Variants in FRK observed in about 807,000 individuals in gnomAD.
The protein encoded by FRK is fyn related Src family tyrosine kinase.
Under a neutral mutation model 56.4 loss-of-function variants are expected in FRK, and 51 were observed. The observed-to-expected ratio is 0.90, with a 90% CI of 0.72 to 1.14. FRK has a LOEUF of 1.14. Among genes scored for constraint, FRK ranks in the 50% most tolerant of loss-of-function variants. The pLI, the probability that FRK is intolerant of heterozygous loss-of-function variation, is 0.00. For missense variants in FRK, 570 were observed against 601.4 expected, an observed-to-expected ratio of 0.95 and a Z score of 0.55; for synonymous variants, 245 against 217.9, an observed-to-expected ratio of 1.12 and a Z score of -1.10.
chr6:115,968,513 C>T (rs1773673226), intron 3 of FRK, 63 bp downstream of exon 3: 2 of 1,553,750 alleles, frequency 1.3e-6, no homozygotes, highest in African/African-American at 2.8e-5. Context: ...ATGAAAAATA[C>T]TCAGATATCT....
intron 2 of FRK, 96 bp from the exon 3 acceptor site, chr6:115,968,835 C>A (rs1485449259): frequency 2.0e-6 from 2 of 1,019,852 alleles, no homozygotes; most frequent in Non-Finnish European, 2.9e-6. Context: ...AAAATGAAAT[C>A]TATATAAAAT....
At chr6:115,957,148 G>T (rs1170493859) in intron 4 of FRK, among the ~76,000 whole-genome samples, 1 of 152,084 alleles carries the variant, frequency 6.6e-6, no homozygotes, top group African/African-American at 2.4e-5. Flanking sequence ...AAAGTTAATG[G>T]GGTTTTTTTC....
intron 2 of FRK, among the ~76,000 whole-genome samples, chr6:115,987,685 A>G (rs992604764): frequency 6.6e-6 from 1 of 152,068 alleles, no homozygotes; most frequent in African/African-American, 2.4e-5. Flanking sequence ...ATGCTTCACA[A>G]TGCAGGAACT....
chr6:116,009,077 A>C (rs536111355), intron 1 of FRK, among the ~76,000 whole-genome samples: 1 of 152,184 alleles, frequency 6.6e-6, no homozygotes, highest in African/African-American at 2.4e-5. Context: ...AACAAAAAAA[A>C]ACAGAAGTGA....
rs61735630 is a variant in FRK, at chr6:116,059,968, G to A, written c.344C>T (p.Pro115Leu). 251 of 1,612,018 alleles carry A rather than the reference G, an allele frequency of 1.6e-4. No homozygotes were observed. The highest frequency in any genetic ancestry group is 3.3e-4 in the Middle Eastern group (2 of 6,076). The change falls in exon 1 of 8, where the codon CCG (proline) becomes CTG (leucine). Residue 115 changes from proline to leucine, a missense_variant and splice_region_variant. Physicochemically the swap from Pro to Leu is moderately conservative, Grantham distance 98. Transcript: ENST00000606080. ...TTAAGTATAAGTTTGTACTACTCAC[G>A]GCTCTGCCTGTAGGCTTCTGTCCTC... ...VAEDRSLQAE[P>L]WFFGAIGRSD...
At chr6:116,006,376 A>C (rs1388523636) in intron 1 of FRK, among the ~76,000 whole-genome samples, 1 of 152,226 alleles carries the variant, frequency 6.6e-6, no homozygotes, top group African/African-American at 2.4e-5. Context: ...AAATGCTAAC[A>C]TTATTAGGTA....
In FRK at chr6:115,958,820, A is replaced by AAAAGAAAG. The variant is rs5879361; in HGVS notation, c.800-2218_800-2211dup. Among the ~76,000 whole-genome samples the AAAAGAAAG allele has an allele frequency of 4.7e-3, 628 of 132,676 alleles. 15 individuals are homozygous for AAAAGAAAG. Among genetic ancestry groups the AAAAGAAAG allele is most frequent in the South Asian group, 0.021 (81 of 3,924 alleles). The allele number at this position is 132,676 out of a possible 152,430, so 87.0% of individuals were successfully genotyped here. ...AGAAAAAGAAAGAAAGAAAGAAAGA[A>AAAAGAAAG]AAAGAAAGAAAGAAAGAAAGAGAAA... On this transcript the variant is annotated intron_variant, in intron 4 of 7. Transcript: ENST00000606080.
intron 1 of FRK, among the ~76,000 whole-genome samples, chr6:116,010,165 T>C (rs1042223370): frequency 6.6e-6 from 1 of 151,652 alleles, no homozygotes; most frequent in South Asian, 2.1e-4. Context: ...GAGGTTGCAG[T>C]GAGCCGAGAT....
At chr6:116,052,101 T>C (rs1777201225) in intron 1 of FRK, among the ~76,000 whole-genome samples, 1 of 152,264 alleles carries the variant, frequency 6.6e-6, no homozygotes, top group African/African-American at 2.4e-5. Flanking sequence ...TAGACGCCAT[T>C]TCAATGAGAT....
chr6:116,070,660 T>C, the FRK span, among the ~76,000 whole-genome samples: 1 of 152,200 alleles, frequency 6.6e-6, no homozygotes, highest in Non-Finnish European at 1.5e-5. Context: ...AAAAGACATA[T>C]GTAATAGGTT....
intron 1 of FRK, among the ~76,000 whole-genome samples, chr6:116,021,933 C>G (rs1264534759): frequency 6.6e-6 from 1 of 151,752 alleles, no homozygotes; most frequent in Non-Finnish European, 1.5e-5. Context: ...AAGGCTCTAA[C>G]AAGATTGTTC....
intron 1 of FRK, among the ~76,000 whole-genome samples, chr6:116,020,371 A>C (rs1003570816): frequency 1.3e-5 from 2 of 151,870 alleles, no homozygotes; most frequent in Non-Finnish European, 2.9e-5. Context: ...GGCTCACTGC[A>C]ACCTCCACCT....
chr6:116,093,324 G>A, the FRK span, among the ~76,000 whole-genome samples: 1 of 152,168 alleles, frequency 6.6e-6, no homozygotes, highest in African/African-American at 2.4e-5. Flanking sequence ...CCCAACCCAG[G>A]TACATGTCCC....
At chr6:115,944,584 A>G (rs1019517500) in intron 5 of FRK, among the ~76,000 whole-genome samples, 159 bp from the exon 6 acceptor site, 3 of 152,070 alleles carry the variant, frequency 2.0e-5, no homozygotes, top group African/African-American at 4.8e-5. Context: ...ATACAACTTA[A>G]TTTGCTGTGA....
the FRK span, among the ~76,000 whole-genome samples, chr6:116,095,779 C>G: frequency 6.6e-6 from 1 of 152,216 alleles, no homozygotes; most frequent in East Asian, 1.9e-4. Context: ...GCAGCAGTGA[C>G]TCTCCAAAAC....
At chr6:116,028,712 G>A (rs1416713623) in intron 1 of FRK, among the ~76,000 whole-genome samples, 1 of 151,912 alleles carries the variant, frequency 6.6e-6, no homozygotes, top group African/African-American at 2.4e-5. Context: ...TACATATTAG[G>A]GCTCCATCCT....
the FRK span, among the ~76,000 whole-genome samples, chr6:116,072,302 T>A: frequency 3.3e-5 from 5 of 152,062 alleles, no homozygotes; most frequent in African/African-American, 9.7e-5. Flanking sequence ...AGTGATTGAG[T>A]CCTGAATCTG....
At chr6:116,074,767 C>T in the FRK span, among the ~76,000 whole-genome samples, 1 of 152,048 alleles carries the variant, frequency 6.6e-6, no homozygotes. Flanking sequence ...ACATCACAGC[C>T]CTATGAAGGG....
At chr6:116,048,688 C>A (rs1048866263) in intron 1 of FRK, among the ~76,000 whole-genome samples, 5 of 152,102 alleles carry the variant, frequency 3.3e-5, no homozygotes, top group Non-Finnish European at 7.4e-5. Context: ...GCTGAGCCCC[C>A]AAATTACATA....
Sources: allele counts gnomAD v4.1 joint callset (sites outside exome capture counted in the v4.1 genomes callset), GRCh38; gene constraint gnomAD v4.1.1; transcripts MANE v1.5; gene names NCBI Gene and HGNC (gene_info 2026-07-23, HGNC 2026-07-21).